Variants in SGK2 observed in about 807,000 individuals in gnomAD.
The protein encoded by SGK2 is serum/glucocorticoid regulated kinase 2.
Under a neutral mutation model 47.5 loss-of-function variants are expected in SGK2, and 36 were observed. That is an observed-to-expected ratio of 0.76 (90% CI 0.58 to 1.00). SGK2 has a LOEUF of 1.00. SGK2 is among the 50% of genes least tolerant of loss of function. The probability of loss-of-function intolerance (pLI) is 0.00; values close to 1 mark genes in which losing one functional copy is unlikely to be tolerated. For missense variants in SGK2, 404 were observed against 467.4 expected (o/e 0.86, Z 1.25); for synonymous variants, 157 against 181.9 (o/e 0.86, Z 1.10).
intron 10 of SGK2, 80 bp downstream of exon 10, chr20:43,575,084 C>A: frequency 2.2e-6 from 2 of 898,114 alleles, no homozygotes; most frequent in Non-Finnish European, 3.6e-6. Context: ...CAAGCTCTGT[C>A]CAGGAAAATG....
chr20:43,560,008 A>G (rs1979289499), intron 1 of SGK2, among the ~76,000 whole-genome samples: 1 of 152,074 alleles, frequency 6.6e-6, no homozygotes, highest in African/African-American at 2.4e-5. Flanking sequence ...CTGGCCAGAA[A>G]ATTAGAACAC....
intron 3 of SGK2, among the ~76,000 whole-genome samples, chr20:43,567,441 CTGT>C (rs1282413434): frequency 6.6e-6 from 1 of 152,182 alleles, no homozygotes; most frequent in Non-Finnish European, 1.5e-5. Flanking sequence ...TACCCTCTGC[CTGT>C]TGTTTAACTT....
chr20:43,567,550 G>A (rs1164456063), intron 3 of SGK2, 115 bp from the exon 4 acceptor site: 6 of 940,982 alleles, frequency 6.4e-6, no homozygotes, highest in Non-Finnish European at 1.0e-5. Flanking sequence ...CATGGCTCCT[G>A]GAAGGCTCTC....
At chr20:43,579,011 C>CTTTTTTT (rs10523244) in intron 11 of SGK2, among the ~76,000 whole-genome samples, 1 of 143,816 alleles carries the variant, frequency 7.0e-6, no homozygotes. Context: ...CTTTCGGAGG[C>CTTTTTTT]TTTTTTTTTT....
rs975990526 is a variant in SGK2, at chr20:43,585,256, C to G, written c.*240C>G. ...CAAATGGCTTCCAATGTTAGGTTTGCTACAAGATGGTTACTGGAGCTCTAG... is the reference window on the plus strand; with the variant it reads ...CAAATGGCTTCCAATGTTAGGTTTGGTACAAGATGGTTACTGGAGCTCTAG... On this transcript the variant is annotated 3_prime_UTR_variant, in exon 13 of 13. Coordinates refer to ENST00000373100, the MANE Select transcript of SGK2 (RefSeq NM_170693.3). 1.3e-5 allele frequency: 4 copies of G among 312,762 alleles called. No homozygotes were observed. Among genetic ancestry groups the G allele is most frequent in the Admixed American group, 4.2e-5 (1 of 23,640 alleles). The allele number at this position is 312,762 out of a possible 1,614,324, so 19.4% of individuals were successfully genotyped here.
At chr20:43,575,997 A>T (rs1210526832) in intron 10 of SGK2, among the ~76,000 whole-genome samples, 1 of 152,150 alleles carries the variant, frequency 6.6e-6, no homozygotes, top group Non-Finnish European at 1.5e-5. Context: ...AGCTAGATGA[A>T]AAGAGATGGG....
intron 8 of SGK2, 100 bp from the exon 9 acceptor site, chr20:43,571,951 A>G: frequency 3.9e-6 from 3 of 777,078 alleles, no homozygotes; most frequent in Middle Eastern, 3.7e-4. Context: ...CAGATCCCAC[A>G]GCTGCTGCCC....
rs570167235 is a variant in SGK2 at position 43,581,111 on chromosome 20, G to A, written c.939+1050G>A. On this transcript the variant is annotated intron_variant, in intron 12 of 12. Transcript: ENST00000373100. ...AGGATGGTCTCGATCTCCTGACCTC[G>A]TGATCCGCCCGCCTCGGCCTCCCAA... Among the ~76,000 whole-genome samples, 831 of 152,100 alleles carry A rather than the reference G, an allele frequency of 5.5e-3. 8 individuals carry two copies. The highest frequency in any genetic ancestry group is 0.012 in the Admixed American group (184 of 15,274).
rs1051809537 is a variant in SGK2, at chr20:43,567,081, A to G, written c.50A>G (p.Asn17Ser). 1 of 1,614,128 alleles carries G rather than the reference A, an allele frequency of 6.2e-7. No homozygotes were observed. ...GTPSPQPSRA[N>S]GNINLGPSAN... is the part of the protein sequence containing the mutation. The stretch of plus-strand genomic sequence containing the variant: ...TTCTTTCTTTAGCCCTCCAGGGCCA[A>G]TGGGAACATCAACCTGGGGCCTTCA... The change falls in exon 3 of 13, where the codon AAT becomes AGT. Residue 17 changes from asparagine (N) to serine (S), a missense_variant. Coordinates refer to ENST00000373100, the MANE Select transcript of SGK2 (RefSeq NM_170693.3).
intron 12 of SGK2, 55 bp from the exon 13 acceptor site, chr20:43,584,797 C>G (rs1981000111): frequency 6.6e-7 from 1 of 1,504,424 alleles, no homozygotes; most frequent in Non-Finnish European, 9.2e-7. Flanking sequence ...GATCTGGGCT[C>G]CTTTGGCAGC....
intron 12 of SGK2, among the ~76,000 whole-genome samples, chr20:43,582,489 G>C (rs1980860849): frequency 1.3e-5 from 2 of 150,456 alleles, no homozygotes; most frequent in Middle Eastern, 3.5e-3. Flanking sequence ...CTTGGTTCAA[G>C]CAATTCTCCT....
intron 10 of SGK2, among the ~76,000 whole-genome samples, chr20:43,575,776 G>A (rs1479281215): frequency 6.6e-6 from 1 of 152,160 alleles, no homozygotes; most frequent in Admixed American, 6.6e-5. Flanking sequence ...GGAACAGCTG[G>A]AAGAGGTGTG....
At chr20:43,562,520 C>T (rs1374155039) in intron 1 of SGK2, among the ~76,000 whole-genome samples, 1 of 149,676 alleles carries the variant, frequency 6.7e-6, no homozygotes, top group African/African-American at 2.5e-5. Context: ...GTGGGTGGAT[C>T]ACATGAGGTC....
chr20:43,576,476 TA>T, intron 11 of SGK2, 97 bp downstream of exon 11: 1 of 1,036,580 alleles, frequency 9.6e-7, no homozygotes, highest in Non-Finnish European at 1.4e-6. Context: ...TGCTGCCTTC[TA>T]AAACCAGGCA....
intron 12 of SGK2, chr20:43,583,491 A>G (rs1980921186): frequency 6.1e-6 from 7 of 1,154,950 alleles, no homozygotes; most frequent in African/African-American, 1.6e-5. Flanking sequence ...TTGTAGCCTT[A>G]TTGAGAAGCT....
intron 5 of SGK2, among the ~76,000 whole-genome samples, chr20:43,569,184 G>A (rs1979938745): frequency 1.3e-5 from 2 of 152,150 alleles, no homozygotes; most frequent in South Asian, 4.1e-4. Context: ...GGATGAGGCT[G>A]ACCACCCTGA....
intron 8 of SGK2, among the ~76,000 whole-genome samples, chr20:43,571,361 G>C (rs1031002601): frequency 2.0e-5 from 3 of 152,186 alleles, no homozygotes; most frequent in African/African-American, 7.2e-5. Context: ...ACTCTGAGAT[G>C]GAGAGGAGGC....
At position 43,580,016 on chromosome 20, in the gene SGK2, T is replaced by A; in HGVS notation, c.894T>A (p.Asp298Glu). 1 of 1,612,336 alleles carries A rather than the reference T, an allele frequency of 6.2e-7. No homozygotes were observed. The highest frequency in any genetic ancestry group is 2.2e-5 in the East Asian group (1 of 44,812). Residue 298 changes from aspartate to glutamate, a missense_variant, in exon 12 of 13, where the codon GAT (aspartate) becomes GAA (glutamate). Transcript: ENST00000373100. Reference sequence around the variant, plus strand: ...TATTCTTCAGCCCCATAAACTGGGATGACCTGTACCACAAGAGGCTAACTC... The same window carrying A: ...TATTCTTCAGCCCCATAAACTGGGAAGACCTGTACCACAAGAGGCTAACTC... ...NHVFFSPINW[D>E]DLYHKRLTPP...
intron 11 of SGK2, among the ~76,000 whole-genome samples, chr20:43,577,893 C>T (rs1980564273): frequency 6.6e-6 from 1 of 152,064 alleles, no homozygotes; most frequent in Non-Finnish European, 1.5e-5. Flanking sequence ...GATCTGCCCG[C>T]CTCAGCCTCC....
Sources: allele counts gnomAD v4.1 joint callset (sites outside exome capture counted in the v4.1 genomes callset), GRCh38; gene constraint gnomAD v4.1.1; transcripts MANE v1.5; gene names NCBI Gene and HGNC (gene_info 2026-07-23, HGNC 2026-07-21).